The following LRRK2 variants were observed in gnomAD, a reference collection of about 807,000 sequenced individuals.
LRRK2 encodes the protein leucine-rich repeat serine/threonine-protein kinase 2.
LRRK2 carries 203 observed loss-of-function variants against 302.6 expected under a neutral mutation model. That is an observed-to-expected ratio of 0.67 (90% CI 0.60 to 0.75). The LOEUF is 0.75. Ranked by LOEUF, LRRK2 falls within the 30% of genes least tolerant of loss-of-function variation. The probability of loss-of-function intolerance (pLI) is 0.00; values close to 1 mark genes in which losing one functional copy is unlikely to be tolerated. For synonymous variants in LRRK2, 1,066 were observed against 1,031.9 expected, an observed-to-expected ratio of 1.03 and a Z score of -0.63; for missense variants, 2,830 against 2,951.0, an observed-to-expected ratio of 0.96 and a Z score of 0.95.
At chr12:40,356,053 TA>T (rs1946526154) in intron 45 of LRRK2, 61 bp from the exon 46 acceptor site, 1 of 1,090,588 alleles carries the variant, frequency 9.2e-7, no homozygotes, top group East Asian at 2.4e-5. Context: ...AGGAGAACAT[TA>T]AGGCCATTTT....
At chr12:40,348,373 T>TTTAGTATGCTAGCA in intron 42 of LRRK2, 36 bp from the exon 43 acceptor site, 1 of 1,390,202 alleles carries the variant, frequency 7.2e-7, no homozygotes, top group South Asian at 1.2e-5. Context: ...TTCTTACTTA[T>TTTAGTATGCTAGCA]TTAGTATGCT....
intron 12 of LRRK2, 40 bp downstream of exon 12, chr12:40,257,417 T>C: frequency 1.3e-6 from 2 of 1,587,270 alleles, no homozygotes; most frequent in Non-Finnish European, 1.7e-6. Context: ...TATATCATAT[T>C]GGGCCAGGTA....
chr12:40,330,873 A>AT (rs1367189765), intron 39 of LRRK2, among the ~76,000 whole-genome samples: 1 of 152,090 alleles, frequency 6.6e-6, no homozygotes, highest in African/African-American at 2.4e-5. Context: ...GGTTTCTAAT[A>AT]TTTTTTAGAA....
At chr12:40,290,307 T>C (rs1438263234) in intron 20 of LRRK2, among the ~76,000 whole-genome samples, 3 of 152,052 alleles carry the variant, frequency 2.0e-5, no homozygotes, top group Non-Finnish European at 4.4e-5. Flanking sequence ...TATATAGTAT[T>C]AAATTTTGTT....
At chr12:40,262,403 G>T (rs1276577830) in intron 13 of LRRK2, among the ~76,000 whole-genome samples, 2 of 151,988 alleles carry the variant, frequency 1.3e-5, no homozygotes, top group Admixed American at 1.3e-4. Context: ...TTAAGGTCAG[G>T]CCTGATATAA....
chr12:40,296,218 G>C (rs1195467148), intron 23 of LRRK2, among the ~76,000 whole-genome samples: 5 of 152,090 alleles, frequency 3.3e-5, no homozygotes, highest in African/African-American at 9.7e-5. Context: ...TTGTTGATAG[G>C]ATAGCTCTCT....
At chr12:40,288,427 C>T (rs922425351) in intron 20 of LRRK2, among the ~76,000 whole-genome samples, 6 of 151,744 alleles carry the variant, frequency 4.0e-5, no homozygotes, top group Admixed American at 3.3e-4. Context: ...TCCCCTGGCC[C>T]CCCTGACCCT....
intron 33 of LRRK2, among the ~76,000 whole-genome samples, chr12:40,319,555 A>G (rs754703787): frequency 6.6e-6 from 1 of 152,134 alleles, no homozygotes; most frequent in Non-Finnish European, 1.5e-5. Flanking sequence ...CTGTCTTCCT[A>G]TTCATGGAAG....
At chr12:40,346,952 T>A (rs1565769608) in intron 42 of LRRK2, 29 bp downstream of exon 42, 2 of 1,576,966 alleles carry the variant, frequency 1.3e-6, no homozygotes, top group African/African-American at 1.4e-5. Context: ...ACAATGAAGA[T>A]TTTTTTTCTT....
intron 20 of LRRK2, among the ~76,000 whole-genome samples, chr12:40,293,000 T>G (rs904443739): frequency 6.6e-6 from 1 of 152,038 alleles, no homozygotes; most frequent in African/African-American, 2.4e-5. Context: ...TGTTAAATAA[T>G]TTGTGTGATT....
intron 47 of LRRK2, among the ~76,000 whole-genome samples, chr12:40,362,649 A>G (rs1287903238): frequency 1.3e-5 from 2 of 152,072 alleles, no homozygotes; most frequent in Non-Finnish European, 2.9e-5. Context: ...TTGATAGGTC[A>G]GGGAAGAAAT....
At position 40,368,235 on chromosome 12, in the gene LRRK2, G is replaced by T. The variant is rs200678400; in HGVS notation, c.*470G>T. On this transcript the variant is annotated 3_prime_UTR_variant, in exon 51 of 51. Transcript: ENST00000298910. ...ATTCCTTCTTAGATTGCATCGAAATGCACTATCATATATGCTTGTAAATAT... is the reference window on the plus strand; with the variant it reads ...ATTCCTTCTTAGATTGCATCGAAATTCACTATCATATATGCTTGTAAATAT... 2.9e-4 allele frequency: 45 copies of T among 153,060 alleles called. 1 individual carries two copies. The highest frequency in any genetic ancestry group is 6.7e-3 in the Middle Eastern group (2 of 298). 9.5% of individuals were successfully genotyped at this position (153,060 alleles called of 1,614,324 possible). A position where few individuals can be genotyped will look rare whatever the true frequency, so the allele number is the denominator to read the frequency against.
chr12:40,357,401 C>T (rs1565778745), intron 46 of LRRK2, among the ~76,000 whole-genome samples: 1 of 152,044 alleles, frequency 6.6e-6, no homozygotes, highest in East Asian at 1.9e-4. Context: ...CTGCGATAAA[C>T]ATGGGGATAT....
At chr12:40,262,880 C>T (rs1047546129) in intron 13 of LRRK2, among the ~76,000 whole-genome samples, 2 of 152,122 alleles carry the variant, frequency 1.3e-5, no homozygotes, top group Non-Finnish European at 2.9e-5. Context: ...CCAGACCACA[C>T]GGCAAGAGGT....
chr12:40,280,646 A>ATAAAG (rs1943650563), intron 18 of LRRK2, among the ~76,000 whole-genome samples: 1 of 150,150 alleles, frequency 6.7e-6, no homozygotes, highest in Non-Finnish European at 1.5e-5. Flanking sequence ...ATAAAATAAA[A>ATAAAG]TAAAATAAAA....
intron 14 of LRRK2, among the ~76,000 whole-genome samples, chr12:40,269,171 G>C (rs570389132): frequency 2.0e-5 from 3 of 152,130 alleles, no homozygotes; most frequent in Non-Finnish European, 4.4e-5. Context: ...TTTTAATGTA[G>C]ATATACTTGC....
intron 14 of LRRK2, among the ~76,000 whole-genome samples, chr12:40,270,401 G>GT (rs958962375): frequency 6.6e-5 from 10 of 152,072 alleles, no homozygotes; most frequent in Non-Finnish European, 1.5e-4. Context: ...TTTTGTTACT[G>GT]TTTTTTCACT....
chr12:40,282,657 G>A (rs1475665111), intron 18 of LRRK2, among the ~76,000 whole-genome samples: 1 of 152,184 alleles, frequency 6.6e-6, no homozygotes, highest in African/African-American at 2.4e-5. Context: ...AAAGACGATG[G>A]TGACTTGATC....
intron 33 of LRRK2, 114 bp from the exon 34 acceptor site, chr12:40,319,874 A>C: frequency 1.9e-6 from 2 of 1,047,996 alleles, no homozygotes; most frequent in Non-Finnish European, 2.8e-6. Context: ...TTGCACTTGA[A>C]AACACTAAAA....
Sources: allele counts gnomAD v4.1 joint callset (sites outside exome capture counted in the v4.1 genomes callset), GRCh38; gene constraint gnomAD v4.1.1; transcripts MANE v1.5; gene names NCBI Gene and HGNC (gene_info 2026-07-23, HGNC 2026-07-21).